The following PDZD2 variants were observed in gnomAD, a reference collection of about 807,000 sequenced individuals.
PDZD2 encodes PDZ domain-containing protein 2.
PDZD2 carries 90 observed loss-of-function variants against 220.7 expected under a neutral mutation model. The ratio of observed to expected loss-of-function variants is 0.41; its 90% CI spans 0.34 to 0.49. The LOEUF is 0.49. Among genes scored for constraint, PDZD2 ranks in the 20% least tolerant of loss-of-function variants. PDZD2 has a pLI of 0.28. For synonymous variants in PDZD2, 1,375 were observed against 1,450.5 expected, an observed-to-expected ratio of 0.95 and a Z score of 1.18; for missense variants, 3,174 against 3,608.5, an observed-to-expected ratio of 0.88 and a Z score of 3.08.
intron 14 of PDZD2, among the ~76,000 whole-genome samples, chr5:32,067,626 G>C (rs1319763426): frequency 6.6e-6 from 1 of 151,996 alleles, no homozygotes; most frequent in East Asian, 1.9e-4. Context: ...TCCAAACATT[G>C]CTTATGCCAA....
At chr5:31,895,445 T>A (rs1741459835) in intron 2 of PDZD2, among the ~76,000 whole-genome samples, 1 of 152,216 alleles carries the variant, frequency 6.6e-6, no homozygotes, top group African/African-American at 2.4e-5. Context: ...CACCAGGTAC[T>A]GCCAGTACCT....
At chr5:31,920,852 T>C (rs1157703086) in intron 2 of PDZD2, among the ~76,000 whole-genome samples, 1 of 152,206 alleles carries the variant, frequency 6.6e-6, no homozygotes, top group Non-Finnish European at 1.5e-5. Flanking sequence ...GAATGTCATA[T>C]AGTTGGAATC....
chr5:31,694,237 C>A (rs147223346), intron 1 of PDZD2, among the ~76,000 whole-genome samples: 1 of 151,956 alleles, frequency 6.6e-6, no homozygotes, highest in African/African-American at 2.4e-5. Flanking sequence ...ACTAAAAATA[C>A]AAAAATTAGC....
intron 6 of PDZD2, among the ~76,000 whole-genome samples, chr5:32,013,322 C>CTTTTTTTTTTTTT (rs11428109): frequency 7.4e-6 from 1 of 135,830 alleles, no homozygotes; most frequent in African/African-American, 2.7e-5. Flanking sequence ...TCTGTGTTAT[C>CTTTTTTTTTTTTT]TTTTTTTTTT....
Position 31,646,626 on chromosome 5 carries a change from G to C in PDZD2, c.-361+7189G>C, listed in dbSNP as rs1293693331. 1.3e-5 allele frequency among the ~76,000 whole-genome samples: 2 copies of C among 152,014 alleles called. No individual in the cohort carries two copies. The highest frequency in any genetic ancestry group is 2.9e-5 in the Non-Finnish European group (2 of 68,022). ...ACCACCCGCCCAACACCCTCTTTCT[G>C]GCACAGTGTGTTTTATGGAGATTTG... On this transcript the variant is annotated intron_variant, in intron 1 of 24. Coordinates refer to ENST00000438447, the MANE Select transcript of PDZD2 (RefSeq NM_178140.4). This position sits in a 1 kb window ranked among gnomAD's most constrained non-coding sequence, Gnocchi z 4.7.
At chr5:31,890,725 G>A (rs1414900535) in intron 2 of PDZD2, among the ~76,000 whole-genome samples, 2 of 152,308 alleles carry the variant, frequency 1.3e-5, no homozygotes, top group South Asian at 2.1e-4. Context: ...AGTGGCGAGA[G>A]TTGGGAAGTC....
intron 6 of PDZD2, among the ~76,000 whole-genome samples, chr5:32,023,270 A>C (rs1306545057): frequency 6.6e-6 from 1 of 152,096 alleles, no homozygotes; most frequent in African/African-American, 2.4e-5. Flanking sequence ...CCCGGAGCCC[A>C]GAGCTTTCAT....
At chr5:31,749,657 T>C (rs1467925478) in intron 1 of PDZD2, among the ~76,000 whole-genome samples, 1 of 152,094 alleles carries the variant, frequency 6.6e-6, no homozygotes, top group Non-Finnish European at 1.5e-5. Flanking sequence ...CTCCTGACCT[T>C]GTGATCTGCC....
At chr5:32,093,439 C>T (rs1361581393) in intron 21 of PDZD2, among the ~76,000 whole-genome samples, 1 of 152,054 alleles carries the variant, frequency 6.6e-6, no homozygotes, top group African/African-American at 2.4e-5. Flanking sequence ...GGTGTAGTCC[C>T]GCCGTTGCCC....
chr5:32,037,111 C>A, intron 6 of PDZD2, 120 bp from the exon 7 acceptor site: 1 of 651,098 alleles, frequency 1.5e-6, no homozygotes, highest in Non-Finnish European at 2.7e-6. Flanking sequence ...CGTGGTCCTT[C>A]TTCTCACATA....
At position 31,646,142 on chromosome 5, in the gene PDZD2, C is replaced by T. The variant is rs775863146; in HGVS notation, c.-361+6705C>T. ...ACTCTTTTGTCCCTTTCACCAAAGG[C>T]CAGCATGTTTCCGATGCCTGTCTAA... On this transcript the variant is annotated intron_variant, in intron 1 of 24. Coordinates refer to ENST00000438447, the MANE Select transcript of PDZD2 (RefSeq NM_178140.4). The surrounding 1 kb of genome is among the most constrained non-coding windows in gnomAD (Gnocchi z 4.7). Among the ~76,000 whole-genome samples, 40 of 152,162 alleles carry T rather than the reference C, an allele frequency of 2.6e-4. No individual in the cohort carries two copies. Among genetic ancestry groups the T allele is most frequent in the Admixed American group, 5.9e-4 (9 of 15,276 alleles).
At chr5:31,679,723 T>C (rs1746578717) in intron 1 of PDZD2, among the ~76,000 whole-genome samples, 1 of 152,172 alleles carries the variant, frequency 6.6e-6, no homozygotes, top group Non-Finnish European at 1.5e-5. Context: ...CTGGCCAGGC[T>C]GGTCCCAAAC....
At chr5:31,968,800 CT>C (rs781530581) in intron 2 of PDZD2, among the ~76,000 whole-genome samples, 22 of 152,184 alleles carry the variant, frequency 1.4e-4, no homozygotes, top group Admixed American at 3.3e-4. Flanking sequence ...GCACCTTGAT[CT>C]TGAACTTTCA....
chr5:31,902,004 T>G (rs889806680), intron 2 of PDZD2, among the ~76,000 whole-genome samples: 1 of 152,246 alleles, frequency 6.6e-6, no homozygotes, highest in Admixed American at 6.5e-5. Flanking sequence ...ATATTGGGGT[T>G]GTTTTCACAT....
rs1271225562 is a variant in PDZD2, at chr5:31,890,564, T to G, written c.476+90840T>G. On this transcript the variant is annotated intron_variant, in intron 2 of 24. Coordinates refer to ENST00000438447, the MANE Select transcript of PDZD2 (RefSeq NM_178140.4). ...GAGCCAGGGCCCCTTCTTCCCTGAC[T>G]CCAGCCCCTCAGAACCCAGCTTTAG... 2.0e-5 allele frequency among the ~76,000 whole-genome samples: 3 copies of G among 152,172 alleles called. No homozygotes were observed. The East Asian group carries it at 5.8e-4, about 29-fold the overall frequency.
chr5:31,966,303 C>T (rs1194736013), intron 2 of PDZD2, among the ~76,000 whole-genome samples: 1 of 152,132 alleles, frequency 6.6e-6, no homozygotes, highest in Admixed American at 6.6e-5. Flanking sequence ...TATTGTACCT[C>T]CCCCCATGTC....
intron 1 of PDZD2, among the ~76,000 whole-genome samples, chr5:31,773,001 C>G (rs1752423074): frequency 6.6e-6 from 1 of 152,172 alleles, no homozygotes; most frequent in Admixed American, 6.5e-5. Flanking sequence ...TCATGTGAGA[C>G]AGAGGACTTT....
intron 15 of PDZD2, among the ~76,000 whole-genome samples, chr5:32,071,049 C>T (rs1377671467): frequency 6.6e-6 from 1 of 152,224 alleles, no homozygotes; most frequent in Non-Finnish European, 1.5e-5. Context: ...AGACAAGACA[C>T]ATCCACTCAT....
chr5:32,087,554 C>T lies in PDZD2; in HGVS notation c.4106C>T (p.Ala1369Val), dbSNP rs1196814903. Residue 1369 changes from alanine (A) to valine (V), a missense_variant, in exon 20 of 25, where the codon GCA becomes GTA. Ala to Val is a moderately conservative substitution (Grantham distance 64). This residue lies in a region of PDZD2 where 1,861 missense variants were observed against 2,001.0 expected (regional missense o/e 0.93). Coordinates refer to ENST00000438447, the MANE Select transcript of PDZD2 (RefSeq NM_178140.4). The surrounding 1 kb of genome is among the most constrained non-coding windows in gnomAD (Gnocchi z 4.0). ...SKALEMTGIH[A>V]PESSQEPSLL... ...GCTCTGGAAATGACAGGAATCCATG[C>T]ACCTGAAAGCTCCCAGGAGCCTTCC... The T allele has an allele frequency of 6.2e-6, 10 of 1,613,822 alleles. No homozygotes were observed. The highest frequency in any genetic ancestry group is 8.5e-6 in the Non-Finnish European group (10 of 1,179,858).
Sources: allele counts gnomAD v4.1 joint callset (sites outside exome capture counted in the v4.1 genomes callset), GRCh38; gene constraint gnomAD v4.1.1; regional missense constraint gnomAD v4.1.1; non-coding constraint Gnocchi (gnomAD v3.1); transcripts MANE v1.5; gene names NCBI Gene and HGNC (gene_info 2026-07-23, HGNC 2026-07-21).